Variants in MRPL24 observed in about 807,000 individuals in gnomAD.
MRPL24 encodes mitochondrial ribosomal protein L24.
A neutral mutation model predicts 26.9 loss-of-function variants in MRPL24; 15 were observed. That is an observed-to-expected ratio of 0.56 (90% CI 0.37 to 0.86). The LOEUF (loss-of-function observed/expected upper bound fraction) is 0.86. MRPL24 is among the 40% of genes least tolerant of loss of function. MRPL24 has a pLI of 0.00. For missense variants in MRPL24, 241 were observed against 281.4 expected (o/e 0.86, Z 1.03); for synonymous variants, 92 against 102.4 (o/e 0.90, Z 0.62).
chr1:156,738,044 C>A lies in MRPL24; in HGVS notation c.370G>T (p.Asp124Tyr). ...PLLHRQVKLV[D>Y]PMDRKPTEIE... ...CCCGTTGCTTGCCTGTCCATAGGATCCACAAGTTTGACCTGGCGGTGGAGC... is the reference window on the plus strand; with the variant it reads ...CCCGTTGCTTGCCTGTCCATAGGATACACAAGTTTGACCTGGCGGTGGAGC... The change falls in exon 4 of 6, where the codon GAT (aspartate) becomes TAT (tyrosine). Residue 124 changes from aspartate (D) to tyrosine (Y), a missense_variant. Transcript: ENST00000361531. 2 of 1,614,146 alleles carry A rather than the reference C, an allele frequency of 1.2e-6. No homozygotes were observed. The highest frequency in any genetic ancestry group is 2.2e-5 in the East Asian group (1 of 44,880).
intron 1 of MRPL24, among the ~76,000 whole-genome samples, chr1:156,740,742 C>G (rs1219670963): frequency 6.6e-6 from 1 of 152,172 alleles, no homozygotes; most frequent in Non-Finnish European, 1.5e-5. Flanking sequence ...AGATCCTTCC[C>G]TTCTTTCCCT....
At chr1:156,741,998 G>T (rs544281564), upstream of MRPL24, 16 of 152,726 alleles carry the variant, frequency 1.0e-4, no homozygotes, top group African/African-American at 3.4e-4. Flanking sequence ...GGAGGAGGTT[G>T]ACACCCTCTA....
At chr1:156,741,855 C>A (rs536510455), upstream of MRPL24, among the ~76,000 whole-genome samples, 17 of 152,318 alleles carry the variant, frequency 1.1e-4, no homozygotes, top group African/African-American at 4.1e-4. Context: ...CACCCCACTT[C>A]TTGTGCAAAC....
chr1:156,737,776 C>T lies in MRPL24; in HGVS notation c.384G>A (p.Arg128=), dbSNP rs1229439814. The stretch of plus-strand genomic sequence containing the variant: ...ATCTCCACTCGATCTCAGTGGGTTT[C>T]CTGGTGGATAGAAGAGGTGAGCCTG... ...RQVKLVDPMD[R]KPTEIEWRFT... The change falls in exon 5 of 6, where the codon AGG becomes AGA. Residue 128 remains arginine, a splice_region_variant and synonymous_variant. Coordinates refer to ENST00000361531, the MANE Select transcript of MRPL24 (RefSeq NM_145729.3). 4.3e-6 allele frequency: 7 copies of T among 1,613,982 alleles called. No homozygotes were observed. The highest frequency in any genetic ancestry group is 5.9e-6 in the Non-Finnish European group (7 of 1,180,016).
rs201545486 is a variant in MRPL24 at position 156,738,855 on chromosome 1, T to C, written c.-60-91A>G. On this transcript the variant is annotated intron_variant, in intron 1 of 5. Coordinates refer to ENST00000361531, the MANE Select transcript of MRPL24 (RefSeq NM_145729.3). ...CTATTGCTCAATGGACCTCATCACA[T>C]TGAATCCTCACAAGAGGTTATCATC... 14 of 633,974 alleles carry C rather than the reference T, an allele frequency of 2.2e-5. No individual in the cohort carries two copies. In the East Asian group the frequency reaches 2.6e-4, roughly 12 times the overall value. The allele number at this position is 633,974 out of a possible 1,614,324, so 39.3% of individuals were successfully genotyped here. A position where few individuals can be genotyped will look rare whatever the true frequency, so the allele number is the denominator to read the frequency against.
chr1:156,741,528 G>A (rs1463297174), upstream of MRPL24: 1 of 152,198 alleles, frequency 6.6e-6, no homozygotes, highest in Non-Finnish European at 1.5e-5. Context: ...CTTTCTAGAG[G>A]AAGGGATGAA....
At position 156,738,520 on chromosome 1, in the gene MRPL24, A is replaced by G. The variant is rs751848774; in HGVS notation, c.183+2T>C. The stretch of plus-strand genomic sequence containing the variant: ...ACTCTACCCCCTGTATGAGGCTCTC[A>G]CCGTGTCCCCACAGAACAGATACCA... On this transcript the variant is annotated splice_donor_variant, in intron 2 of 5. Coordinates refer to ENST00000361531, the MANE Select transcript of MRPL24 (RefSeq NM_145729.3). LOFTEE classifies it high-confidence loss of function. 4 of 1,614,034 alleles carry G rather than the reference A, an allele frequency of 2.5e-6. No individual in the cohort carries two copies. The highest frequency in any genetic ancestry group is 3.4e-6 in the Non-Finnish European group (4 of 1,179,950).
rs1649983551 is a variant in MRPL24, at chr1:156,738,778, T to C, written c.-60-14A>G. 7.0e-7 allele frequency: 1 copy of C among 1,420,364 alleles called. No homozygotes were observed. The highest frequency in any genetic ancestry group is 1.4e-5 in the South Asian group (1 of 71,516). The allele number at this position is 1,420,364 out of a possible 1,614,324, so 88.0% of individuals were successfully genotyped here. A position where few individuals can be genotyped will look rare whatever the true frequency, so the allele number is the denominator to read the frequency against. On this transcript the variant is annotated splice_polypyrimidine_tract_variant and intron_variant, in intron 1 of 5. Transcript: ENST00000361531. ...TCCTTGTCAGCTCTGGGCAGATGGA[T>C]AGAAACGGGAACAAAGAGGCAAGGG... is the stretch of plus-strand genomic sequence containing the variant.
At chr1:156,741,593 A>T (rs1197186046), upstream of MRPL24, 3 of 152,090 alleles carry the variant, frequency 2.0e-5, no homozygotes. Context: ...TCAGATCTGG[A>T]AGGAAACAGA....
Position 156,738,587 on chromosome 1 carries a change from T to C in MRPL24, c.118A>G (p.Arg40Gly), listed in dbSNP as rs371050068. Residue 40 changes from arginine (R) to glycine (G), a missense_variant, in exon 2 of 6, where the codon AGG becomes GGG. Physicochemically the swap from Arg to Gly is moderately radical, Grantham distance 125. Coordinates refer to ENST00000361531, the MANE Select transcript of MRPL24 (RefSeq NM_145729.3). ...ADKRKNPPWI[R>G]RRPVVVEPIS... ...GGTTCCACAACCACTGGGCGCCGCC[T>C]GATCCATGGGGGGTTCTTCCTCTTG... 6.2e-7 allele frequency: 1 copy of C among 1,613,950 alleles called. No homozygotes were observed. The highest frequency in any genetic ancestry group is 8.5e-7 in the Non-Finnish European group (1 of 1,179,946).
chr1:156,737,888 CTG>C (rs1649932021), intron 4 of MRPL24, 112 bp from the exon 5 acceptor site: 3 of 1,502,588 alleles, frequency 2.0e-6, no homozygotes, highest in East Asian at 2.3e-5. Flanking sequence ...TTCTCCACCT[CTG>C]TGTTGGGGTT....
upstream of MRPL24, chr1:156,741,195 G>GA (rs2102688164): frequency 6.6e-6 from 1 of 152,346 alleles, no homozygotes; most frequent in East Asian, 1.9e-4. Context: ...AGCATGCTGG[G>GA]AGTTGTAGTC....
At position 156,738,056 on chromosome 1, in the gene MRPL24, C is replaced by T. The variant is rs754780684; in HGVS notation, c.358G>A (p.Val120Ile). The T allele has an allele frequency of 7.4e-6, 12 of 1,614,062 alleles. No individual in the cohort carries two copies. Among genetic ancestry groups the T allele is most frequent in the Admixed American group, 5.0e-5 (3 of 60,000 alleles). Residue 120 changes from valine to isoleucine, a missense_variant, in exon 4 of 6, where the codon GTC becomes ATC. Transcript: ENST00000361531. ...PSEAPLLHRQ[V>I]KLVDPMDRKP... ...CTGTCCATAGGATCCACAAGTTTGA[C>T]CTGGCGGTGGAGCAAGGGGGCTTCA...
At position 156,737,731 on chromosome 1, in the gene MRPL24, C is replaced by A; in HGVS notation, c.429G>T (p.Arg143=). 6.2e-7 allele frequency: 1 copy of A among 1,614,126 alleles called. No homozygotes were observed. Among genetic ancestry groups the A allele is most frequent in the Non-Finnish European group, 8.5e-7 (1 of 1,180,014 alleles). Residue 143 remains arginine (R), a synonymous_variant, in exon 5 of 6, where the codon CGG becomes CGT. Coordinates refer to ENST00000361531, the MANE Select transcript of MRPL24 (RefSeq NM_145729.3). ...TCCCTGATCGTGTGGAGACTCGTACCCGCTCTCCTGCTTCAGTAAATCTCC... is the reference window on the plus strand; with the variant it reads ...TCCCTGATCGTGTGGAGACTCGTACACGCTCTCCTGCTTCAGTAAATCTCC... ...IEWRFTEAGE[R]VRVSTRSGRI...
chr1:156,742,613 C>T (rs138665143), upstream of MRPL24: 1 of 152,948 alleles, frequency 6.5e-6, no homozygotes, highest in East Asian at 1.9e-4. Flanking sequence ...TGACTATAAG[C>T]TGGCCTTGAG....
At position 156,738,381 on chromosome 1, in the gene MRPL24, G is replaced by A. The variant is rs747079517; in HGVS notation, c.241C>T (p.Arg81Trp). The A allele has an allele frequency of 5.0e-5, 81 of 1,613,962 alleles. No homozygotes were observed. The highest frequency in any genetic ancestry group is 6.4e-5 in the Non-Finnish European group (76 of 1,180,026). ...GKQGKVVQVIRQRNWVVVGGL... is the reference protein window; with the variant it reads ...GKQGKVVQVIWQRNWVVVGGL... ...CCCACGACCACCCAGTTTCGCTGCCGGATAACTTGAACCACTTTGCCCTGC... is the reference window on the plus strand; with the variant it reads ...CCCACGACCACCCAGTTTCGCTGCCAGATAACTTGAACCACTTTGCCCTGC... Residue 81 changes from arginine to tryptophan, a missense_variant, in exon 3 of 6, where the codon CGG (arginine) becomes TGG (tryptophan). By Grantham distance (101) the Arg-to-Trp change is moderately radical. Coordinates refer to ENST00000361531, the MANE Select transcript of MRPL24 (RefSeq NM_145729.3).
chr1:156,742,581 C>T (rs1650204278), upstream of MRPL24: 1 of 152,476 alleles, frequency 6.6e-6, no homozygotes, highest in Non-Finnish European at 1.5e-5. Flanking sequence ...GTGTCTTTTC[C>T]TTTATGTCTG....
chr1:156,739,407 GC>G (rs1650005290), intron 1 of MRPL24, among the ~76,000 whole-genome samples: 1 of 152,132 alleles, frequency 6.6e-6, no homozygotes, highest in African/African-American at 2.4e-5. Context: ...AATGGTAAGT[GC>G]TTCAGTTAAC....
chr1:156,738,612 G>C lies in MRPL24; in HGVS notation c.93C>G (p.Asp31Glu), dbSNP rs1202604099. The change falls in exon 2 of 6, where the codon GAC becomes GAG. Residue 31 changes from aspartate (D) to glutamate (E), a missense_variant. Transcript: ENST00000361531. ...TGATCCATGGGGGGTTCTTCCTCTT[G>C]TCTGCAACAGAGCCTGGGGGGCTCA... The part of the protein sequence containing the change: ...YGMSPPGSVA[D>E]KRKNPPWIRR... The C allele has an allele frequency of 6.2e-7, 1 of 1,612,882 alleles. No individual in the cohort carries two copies. The highest frequency in any genetic ancestry group is 1.1e-5 in the South Asian group (1 of 91,000).
Sources: allele counts gnomAD v4.1 joint callset (sites outside exome capture counted in the v4.1 genomes callset), GRCh38; gene constraint gnomAD v4.1.1; transcripts MANE v1.5; gene names NCBI Gene and HGNC (gene_info 2026-07-23, HGNC 2026-07-21).